Variants in ARHGEF10 observed in about 807,000 individuals in gnomAD.
The protein encoded by ARHGEF10 is Rho guanine nucleotide exchange factor 10.
Under a neutral mutation model 147.4 loss-of-function variants are expected in ARHGEF10, and 140 were observed. That is an observed-to-expected ratio of 0.95 (90% CI 0.83 to 1.09). The LOEUF is 1.09. Among genes scored for constraint, ARHGEF10 ranks in the 50% least tolerant of loss-of-function variants. The pLI, the probability that ARHGEF10 is intolerant of heterozygous loss-of-function variation, is 0.00. For missense variants in ARHGEF10, 2,222 were observed against 1,752.7 expected (o/e 1.27, Z -4.78); for synonymous variants, 902 against 695.8 (o/e 1.30, Z -4.67).
Position 1,831,544 on chromosome 8 carries a change from G to A in ARHGEF10, c.-48+7431G>A, listed in dbSNP as rs78620802. 6.7e-3 allele frequency among the ~76,000 whole-genome samples: 290 copies of A among 43,366 alleles called. 3 individuals carry two copies. Among genetic ancestry groups the A allele is most frequent in the Non-Finnish European group, 6.0e-3 (124 of 20,810 alleles). The allele number at this position is 43,366 out of a possible 152,430, so 28.4% of individuals were successfully genotyped here. ...GACATCCGTGGAGGGACAGTGTGACGGCCGTGGAGGGACAGTGTGACATCC... is the reference window on the plus strand; with the variant it reads ...GACATCCGTGGAGGGACAGTGTGACAGCCGTGGAGGGACAGTGTGACATCC... On this transcript the variant is annotated intron_variant, in intron 1 of 28. Coordinates refer to ENST00000349830, the MANE Select transcript of ARHGEF10 (RefSeq NM_014629.4).
chr8:1,950,836 T>A (rs899123015), intron 27 of ARHGEF10, among the ~76,000 whole-genome samples: 28 of 142,294 alleles, frequency 2.0e-4, no homozygotes, highest in African/African-American at 7.3e-4. Flanking sequence ...CACCTCGGCC[T>A]CCCAAAGTGC....
At position 1,901,373 on chromosome 8, in the gene ARHGEF10, C is replaced by G. The variant is rs1463443479; in HGVS notation, c.1651-1908C>G. Among the ~76,000 whole-genome samples the G allele has an allele frequency of 2.0e-5, 3 of 152,144 alleles. No homozygotes were observed. The South Asian group carries it at 6.2e-4, about 31-fold the overall frequency. Reference sequence around the variant, plus strand: ...TTCTTCCTGGTTAGTGCTCCCAGACCTTCTTTCTAAGACAGGTGCTGTGAA... The same window carrying G: ...TTCTTCCTGGTTAGTGCTCCCAGACGTTCTTTCTAAGACAGGTGCTGTGAA... On this transcript the variant is annotated intron_variant, in intron 15 of 28. Transcript: ENST00000349830.
intron 27 of ARHGEF10, among the ~76,000 whole-genome samples, chr8:1,949,353 A>G (rs562293425): frequency 1.9e-4 from 29 of 152,350 alleles, no homozygotes; most frequent in Non-Finnish European, 3.5e-4. Context: ...CAGATTCAAC[A>G]CAGACTAACA....
At chr8:1,934,058 G>C in intron 26 of ARHGEF10, 116 bp downstream of exon 26, 1 of 1,375,478 alleles carries the variant, frequency 7.3e-7, no homozygotes, top group South Asian at 1.2e-5. Flanking sequence ...CTTCTAGCCG[G>C]GCACAGTGGC....
intron 2 of ARHGEF10, among the ~76,000 whole-genome samples, chr8:1,845,005 G>A (rs1290073340): frequency 6.6e-6 from 1 of 152,182 alleles, no homozygotes; most frequent in Non-Finnish European, 1.5e-5. Flanking sequence ...TATGCATGAT[G>A]GTGCATGCCT....
intron 18 of ARHGEF10, among the ~76,000 whole-genome samples, chr8:1,922,759 A>C (rs192473424): frequency 6.6e-6 from 1 of 152,358 alleles, no homozygotes; most frequent in East Asian, 1.9e-4. Flanking sequence ...AGCTCTTTGC[A>C]ACTTTTCCAT....
At chr8:1,869,368 T>A in intron 7 of ARHGEF10, 118 bp downstream of exon 7, 1 of 875,006 alleles carries the variant, frequency 1.1e-6, no homozygotes, top group Middle Eastern at 2.1e-4. Flanking sequence ...GTTTTGTATG[T>A]TGCTTCTAGA....
chr8:1,827,118 A>C (rs1268854607), intron 1 of ARHGEF10, among the ~76,000 whole-genome samples: 2 of 152,286 alleles, frequency 1.3e-5, no homozygotes, highest in East Asian at 3.9e-4. Flanking sequence ...GGGCAGGGTT[A>C]CCTGTAAGGA....
Position 1,888,580 on chromosome 8 carries a change from TGA to T in ARHGEF10, c.1182+2875_1182+2876del, listed in dbSNP as rs1381118023. Among the ~76,000 whole-genome samples the T allele has an allele frequency of 2.2e-4, 25 of 112,514 alleles. 2 individuals are homozygous for T. The highest frequency in any genetic ancestry group is 1.5e-3 in the Admixed American group (18 of 11,780). The allele number at this position is 112,514 out of a possible 152,430, so 73.8% of individuals were successfully genotyped here. On this transcript the variant is annotated intron_variant, in intron 11 of 28. Coordinates refer to ENST00000349830, the MANE Select transcript of ARHGEF10 (RefSeq NM_014629.4). ...GTATGGGGAGACACTGAGTGGGGTG[TGA>T]GGGGTCTGTGAGGTGTCACTGAGTG...
At chr8:1,859,863 T>A (rs1805947104) in intron 3 of ARHGEF10, 34 bp from the exon 4 acceptor site, 1 of 1,613,194 alleles carries the variant, frequency 6.2e-7, no homozygotes, top group African/African-American at 1.3e-5. Context: ...CCCTTGGTGA[T>A]GTGTCTGCTG....
intron 16 of ARHGEF10, 24 bp from the exon 17 acceptor site, chr8:1,905,547 C>T: frequency 6.2e-7 from 1 of 1,614,130 alleles, no homozygotes; most frequent in Non-Finnish European, 8.5e-7. Flanking sequence ...ACTGTGGTCC[C>T]TGGGCTGTGT....
chr8:1,831,243 C>T (rs372331047), intron 1 of ARHGEF10, among the ~76,000 whole-genome samples: 1 of 147,600 alleles, frequency 6.8e-6, no homozygotes, highest in East Asian at 2.1e-4. Flanking sequence ...GTGTGACATC[C>T]GTGGAGGGAC....
Position 1,869,193 on chromosome 8 carries a change from G to C in ARHGEF10, c.623-1G>C, listed in dbSNP as rs1157778454. ...AAAGTGTTTCTCCCCGTTTATTGCA[G>C]ATCCAGAGGAAGCAATTTACGATGA... On this transcript the variant is annotated splice_acceptor_variant, in intron 6 of 28. Coordinates refer to ENST00000349830, the MANE Select transcript of ARHGEF10 (RefSeq NM_014629.4). LOFTEE classifies it high-confidence loss of function. The C allele has an allele frequency of 1.2e-6, 2 of 1,613,376 alleles. No individual in the cohort carries two copies. The highest frequency in any genetic ancestry group is 2.7e-5 in the African/African-American group (2 of 74,902).
intron 26 of ARHGEF10, among the ~76,000 whole-genome samples, chr8:1,939,210 T>C (rs1433723506): frequency 6.6e-6 from 1 of 152,254 alleles, no homozygotes; most frequent in African/African-American, 2.4e-5. Context: ...TTAGAGATCC[T>C]GTGGCCCAGT....
chr8:1,908,609 C>T (rs1204662638), intron 17 of ARHGEF10, among the ~76,000 whole-genome samples: 1 of 152,146 alleles, frequency 6.6e-6, no homozygotes, highest in Non-Finnish European at 1.5e-5. Context: ...ATGGTTGATT[C>T]TGGAGGGTGG....
chr8:1,869,580 TAGAG>T (rs1480673237), intron 7 of ARHGEF10: 4 of 452,438 alleles, frequency 8.8e-6, no homozygotes, highest in Admixed American at 3.5e-5. Flanking sequence ...AGTGAGAAAG[TAGAG>T]AGAATCAGGC....
In ARHGEF10 at chr8:1,905,608, A is replaced by G; in HGVS notation, c.1859A>G (p.Asp620Gly). Residue 620 changes from aspartate (D) to glycine (G), a missense_variant, in exon 17 of 29, where the codon GAT (aspartate) becomes GGT (glycine). By Grantham distance (94) the Asp-to-Gly change is moderately conservative. Coordinates refer to ENST00000349830, the MANE Select transcript of ARHGEF10 (RefSeq NM_014629.4). ...SSGSRYLIRS[D>G]DMIETVYNDR... ...GGAAGCCGATACCTCATTCGATCAG[A>G]TGATATGATAGAAACAGTTTACAAC... 1 of 1,614,212 alleles carries G rather than the reference A, an allele frequency of 6.2e-7. No individual in the cohort carries two copies. Among genetic ancestry groups the G allele is most frequent in the Non-Finnish European group, 8.5e-7 (1 of 1,180,038 alleles).
chr8:1,886,326 G>A (rs972582069), intron 11 of ARHGEF10, among the ~76,000 whole-genome samples: 4 of 152,118 alleles, frequency 2.6e-5, no homozygotes, highest in African/African-American at 4.8e-5. Context: ...CATGGGCAGC[G>A]AGGTGCAAAT....
intron 1 of ARHGEF10, among the ~76,000 whole-genome samples, chr8:1,834,329 G>C (rs6558551): frequency 6.6e-6 from 1 of 151,912 alleles, no homozygotes; most frequent in African/African-American, 2.4e-5. Context: ...TTCTGGGAGC[G>C]TGCAGAGGAG....
Sources: allele counts gnomAD v4.1 joint callset (sites outside exome capture counted in the v4.1 genomes callset), GRCh38; gene constraint gnomAD v4.1.1; transcripts MANE v1.5; gene names NCBI Gene and HGNC (gene_info 2026-07-23, HGNC 2026-07-21).